STXBP5: variants seen among roughly 807,000 people sequenced by gnomAD.
STXBP5 encodes the protein syntaxin-binding protein 5.
A neutral mutation model predicts 152.4 loss-of-function variants in STXBP5; 50 were observed. That is an observed-to-expected ratio of 0.33 (90% confidence interval 0.26 to 0.42). The LOEUF is 0.42. STXBP5 is among the 10% of genes least tolerant of loss of function. STXBP5 has a pLI of 1.00. For synonymous variants in STXBP5, 492 were observed against 494.7 expected (o/e 0.99, Z 0.07); for missense variants, 1,167 against 1,388.6 (o/e 0.84, Z 2.54).
At chr6:147,349,403 G>A (rs907622454) in intron 21 of STXBP5, among the ~76,000 whole-genome samples, 2 of 152,142 alleles carry the variant, frequency 1.3e-5, no homozygotes, top group Non-Finnish European at 2.9e-5. Flanking sequence ...TATCTTGCTC[G>A]TTCTAACAGT....
chr6:147,281,465 A>G (rs1421561427), intron 8 of STXBP5, among the ~76,000 whole-genome samples: 2 of 152,184 alleles, frequency 1.3e-5, no homozygotes, highest in African/African-American at 4.8e-5. Flanking sequence ...CATTTTCATT[A>G]TATTAACTGT....
intron 4 of STXBP5, among the ~76,000 whole-genome samples, chr6:147,240,905 T>C (rs1054328824): frequency 5.3e-5 from 8 of 152,170 alleles, no homozygotes; most frequent in African/African-American, 1.9e-4. Context: ...AGCTAAGTCA[T>C]GATGAGGTAA....
At chr6:147,223,192 C>G (rs1037994825) in intron 2 of STXBP5, among the ~76,000 whole-genome samples, 5 of 152,190 alleles carry the variant, frequency 3.3e-5, no homozygotes, top group Admixed American at 3.3e-4. Context: ...AGGTGGTCTT[C>G]AAAAAGAGGT....
At chr6:147,248,243 T>G (rs893768181) in intron 4 of STXBP5, among the ~76,000 whole-genome samples, 1 of 146,046 alleles carries the variant, frequency 6.8e-6, no homozygotes, top group African/African-American at 2.6e-5. Context: ...ATCACACCAC[T>G]GCGCTCCAAA....
At chr6:147,371,463 C>CTA (rs1448979615) in intron 25 of STXBP5, among the ~76,000 whole-genome samples, 2 of 152,196 alleles carry the variant, frequency 1.3e-5, no homozygotes, top group East Asian at 3.9e-4. Flanking sequence ...TGTACATACA[C>CTA]TATTGATGTC....
chr6:147,301,204 A>G (rs918180555), intron 9 of STXBP5, among the ~76,000 whole-genome samples: 1 of 152,148 alleles, frequency 6.6e-6, no homozygotes, highest in East Asian at 1.9e-4. Context: ...GATGGAATGT[A>G]AATTAGTGCA....
At chr6:147,211,721 C>T (rs1045854011) in intron 2 of STXBP5, among the ~76,000 whole-genome samples, 3 of 152,078 alleles carry the variant, frequency 2.0e-5, no homozygotes, top group African/African-American at 7.2e-5. Context: ...CAAGTATTTG[C>T]GACCACAAGT....
chr6:147,330,994 C>G (rs1238148366), intron 18 of STXBP5, among the ~76,000 whole-genome samples: 1 of 152,176 alleles, frequency 6.6e-6, no homozygotes, highest in African/African-American at 2.4e-5. Flanking sequence ...AAAGCCTGAA[C>G]TATTTATTAC....
rs1408485501 is a variant in STXBP5, at chr6:147,277,777, A to G, written c.715-304A>G. Reference sequence around the variant, plus strand: ...GGTAATTTATGTTTAGGTATTGTTTATGCTAAAAATAATGTAAGAAAACAT... The same window carrying G: ...GGTAATTTATGTTTAGGTATTGTTTGTGCTAAAAATAATGTAAGAAAACAT... On this transcript the variant is annotated intron_variant, in intron 7 of 27. Transcript: ENST00000321680. Among the ~76,000 whole-genome samples the G allele has an allele frequency of 2.0e-5, 3 of 152,124 alleles. No homozygotes were observed. The East Asian group carries it at 5.8e-4, about 29-fold the overall frequency.
chr6:147,246,045 T>C (rs1778796008), intron 4 of STXBP5, among the ~76,000 whole-genome samples: 1 of 152,208 alleles, frequency 6.6e-6, no homozygotes, highest in South Asian at 2.1e-4. Context: ...TTGTTCCTCT[T>C]CCTTGATATT....
rs141559095 is a variant in STXBP5, at chr6:147,228,511, C to T, written c.249-6739C>T. On this transcript the variant is annotated intron_variant, in intron 2 of 27. Transcript: ENST00000321680. ...ATTCTGTGTACTTCCATCTAAGGACCCATGTTCATTAGAAGCTGCGTAAAA... is the reference window on the plus strand; with the variant it reads ...ATTCTGTGTACTTCCATCTAAGGACTCATGTTCATTAGAAGCTGCGTAAAA... Among the ~76,000 whole-genome samples the T allele has an allele frequency of 4.0e-4, 61 of 152,018 alleles. No homozygotes were observed. The East Asian group carries it at 6.2e-3, about 15-fold the overall frequency.
intron 26 of STXBP5, among the ~76,000 whole-genome samples, chr6:147,382,051 A>C (rs1192970788): frequency 6.6e-6 from 1 of 152,152 alleles, no homozygotes; most frequent in Non-Finnish European, 1.5e-5. Flanking sequence ...TATTTAAAGA[A>C]AAAGGAAAGA....
At chr6:147,379,066 ATC>A (rs1785948740) in intron 26 of STXBP5, among the ~76,000 whole-genome samples, 1 of 151,564 alleles carries the variant, frequency 6.6e-6, no homozygotes, top group Non-Finnish European at 1.5e-5. Context: ...AACCTTGCAT[ATC>A]TCTATTTTTC....
rs1786442570 is a variant in STXBP5, at chr6:147,388,509, C to T, written c.*3754C>T. On this transcript the variant is annotated 3_prime_UTR_variant, in exon 28 of 28. Transcript: ENST00000321680. ...AATGGTGAACTTGTTAAGTTTAAGT[C>T]AAAGTACTTAAAAAGTATGTATATT... The T allele has an allele frequency of 1.3e-5, 2 of 151,150 alleles. No individual in the cohort carries two copies. Among genetic ancestry groups the T allele is most frequent in the African/African-American group, 4.8e-5 (2 of 41,252 alleles). The allele number at this position is 151,150 out of a possible 1,614,324, so 9.4% of individuals were successfully genotyped here.
chr6:147,314,365 A>G (rs780402319), intron 13 of STXBP5, 34 bp downstream of exon 13: 14 of 1,558,202 alleles, frequency 9.0e-6, no homozygotes, highest in Admixed American at 3.3e-5. Context: ...AAGTAAATCT[A>G]TAATAGCTAA....
intron 8 of STXBP5, among the ~76,000 whole-genome samples, chr6:147,290,420 A>C (rs1357985723): frequency 6.6e-6 from 1 of 152,226 alleles, no homozygotes; most frequent in East Asian, 1.9e-4. Flanking sequence ...TGCCAGAAGA[A>C]GTATTATAAT....
intron 4 of STXBP5, among the ~76,000 whole-genome samples, chr6:147,247,154 T>A (rs1778849346): frequency 6.6e-6 from 1 of 152,234 alleles, no homozygotes; most frequent in South Asian, 2.1e-4. Context: ...AGATTTTGAA[T>A]TAACTAATTG....
rs2128425537 is a variant in STXBP5, at chr6:147,386,573, AGTTTTTG to A, written c.*1819_*1825del. On this transcript the variant is annotated 3_prime_UTR_variant, in exon 28 of 28. Transcript: ENST00000321680. ...ATTTTTTAAATAAGCCCTTTTCAAA[AGTTTTTG>A]AATTTATAGAAAGCACCAATGAATA... 6.6e-6 allele frequency: 1 copy of A among 152,002 alleles called. No homozygotes were observed. Among genetic ancestry groups the A allele is most frequent in the South Asian group, 2.1e-4 (1 of 4,828 alleles). The allele number at this position is 152,002 out of a possible 1,614,324, so 9.4% of individuals were successfully genotyped here.
At chr6:147,261,406 A>C (rs1445146317) in intron 5 of STXBP5, among the ~76,000 whole-genome samples, 1 of 151,918 alleles carries the variant, frequency 6.6e-6, no homozygotes, top group African/African-American at 2.4e-5. Flanking sequence ...TTTTTCTTAC[A>C]TTTCTGGGAC....
Sources: allele counts gnomAD v4.1 joint callset (sites outside exome capture counted in the v4.1 genomes callset), GRCh38; gene constraint gnomAD v4.1.1; transcripts MANE v1.5; gene names NCBI Gene and HGNC (gene_info 2026-07-23, HGNC 2026-07-21).